ZNF600: variants seen among roughly 807,000 people sequenced by gnomAD.
The protein encoded by ZNF600 is zinc finger protein KR-ZNF1.
Under a neutral mutation model 7.3 loss-of-function variants are expected in ZNF600, and 4 were observed. The observed-to-expected ratio is 0.55, with a 90% CI of 0.27 to 1.25. ZNF600 has a LOEUF of 1.25. Ranked by LOEUF, ZNF600 falls within the 50% of genes most tolerant of loss-of-function variation. The pLI is 0.12. For synonymous variants in ZNF600, 290 were observed against 308.9 expected (o/e 0.94, Z 0.64); for missense variants, 911 against 922.1 (o/e 0.99, Z 0.16).
the ZNF600 span, chr19:52,810,791 G>C: frequency 2.2e-6 from 1 of 452,428 alleles, no homozygotes; most frequent in Non-Finnish European, 3.9e-6. Flanking sequence ...AAAAAAAACA[G>C]AAGATGACCT....
chr19:52,771,480 A>AT (rs112039577), intron 3 of ZNF600, among the ~76,000 whole-genome samples: 9,404 of 148,416 alleles, frequency 0.063, 942 homozygotes, highest in African/African-American at 0.21. Flanking sequence ...TGCCTGGCTA[A>AT]TTTTTTTTTT....
At chr19:52,775,481 T>C (rs547138044) in intron 2 of ZNF600, among the ~76,000 whole-genome samples, 1 of 151,454 alleles carries the variant, frequency 6.6e-6, no homozygotes, top group Admixed American at 6.6e-5. Flanking sequence ...ATCCGAGAGG[T>C]GGAGGTTACA....
At chr19:52,785,689 C>G (rs2062757881) in intron 1 of ZNF600, among the ~76,000 whole-genome samples, 1 of 152,096 alleles carries the variant, frequency 6.6e-6, no homozygotes, top group Non-Finnish European at 1.5e-5. Context: ...CCCTCTGTCC[C>G]CACTCTCCAG....
At chr19:52,809,929 C>T in the ZNF600 span, 1 of 862,474 alleles carries the variant, frequency 1.2e-6, no homozygotes, top group Non-Finnish European at 1.9e-6. Context: ...GGTGGGGAGG[C>T]CGGGGAGGTT....
chr19:52,793,793 CACACACACACACACACACACACACAA>C, the ZNF600 span, among the ~76,000 whole-genome samples: 1 of 75,572 alleles, frequency 1.3e-5, no homozygotes, highest in South Asian at 5.5e-4. Flanking sequence ...CACACACACA[CACACACACACACACACACACACACAA>C]AAGTGATGTA....
the ZNF600 span, among the ~76,000 whole-genome samples, chr19:52,793,928 T>C: frequency 1.3e-5 from 2 of 152,204 alleles, no homozygotes; most frequent in Admixed American, 6.5e-5. Context: ...TTCAAAAACA[T>C]GCTGTCAAGT....
the ZNF600 span, chr19:52,801,443 C>T: frequency 3.1e-6 from 5 of 1,614,070 alleles, no homozygotes; most frequent in South Asian, 1.1e-5. Context: ...CTTTAATATG[C>T]TTGTTTCCAG....
At chr19:52,808,759 G>C in the ZNF600 span, among the ~76,000 whole-genome samples, 1 of 152,080 alleles carries the variant, frequency 6.6e-6, no homozygotes, top group Non-Finnish European at 1.5e-5. Flanking sequence ...GTTGCAGTGA[G>C]CTGTGATCCC....
At chr19:52,792,587 C>T in the ZNF600 span, among the ~76,000 whole-genome samples, 1 of 152,050 alleles carries the variant, frequency 6.6e-6, no homozygotes, top group East Asian at 1.9e-4. Flanking sequence ...AAGATTGCAA[C>T]CATTTGTGCC....
At chr19:52,766,899 T>C (rs774778314) in exon 4 of ZNF600, 4 of 1,614,208 alleles carry the variant, frequency 2.5e-6, no homozygotes, top group East Asian at 2.2e-5. Context: ...AAGGTTTGAT[T>C]GCTGATTAAA....
exon 4 of ZNF600, chr19:52,767,254 C>A: frequency 3.1e-6 from 5 of 1,614,152 alleles, no homozygotes; most frequent in Non-Finnish European, 4.2e-6. Context: ...AAGGCTTTGC[C>A]ACTCTCATTA....
chr19:52,817,910 G>C, the ZNF600 span: 3 of 1,609,442 alleles, frequency 1.9e-6, no homozygotes, highest in Admixed American at 3.3e-5. Flanking sequence ...TGAAAGGAAG[G>C]AGACAGAGCA....
chr19:52,782,781 C>G (rs868132761), intron 1 of ZNF600, among the ~76,000 whole-genome samples: 7 of 151,906 alleles, frequency 4.6e-5, no homozygotes, highest in Non-Finnish European at 1.5e-5. Context: ...GAGGCTGAGA[C>G]AGAGCACTGC....
the ZNF600 span, among the ~76,000 whole-genome samples, chr19:52,818,640 G>A: frequency 5.9e-5 from 9 of 152,148 alleles, no homozygotes; most frequent in Non-Finnish European, 1.2e-4. Flanking sequence ...CTGGAAGGTG[G>A]AGGTTGCAGT....
At chr19:52,816,870 T>A in the ZNF600 span, among the ~76,000 whole-genome samples, 10 of 135,130 alleles carry the variant, frequency 7.4e-5, no homozygotes, top group South Asian at 2.1e-3. Context: ...ATAATAATAA[T>A]AAAACGTGGA....
At chr19:52,810,764 A>G in the ZNF600 span, 1 of 583,930 alleles carries the variant, frequency 1.7e-6, no homozygotes, top group South Asian at 2.0e-5. Flanking sequence ...GGAAAAAAAA[A>G]GAATAAAAAA....
the ZNF600 span, among the ~76,000 whole-genome samples, chr19:52,796,368 A>G: frequency 1.3e-5 from 2 of 152,286 alleles, no homozygotes; most frequent in African/African-American, 4.8e-5. Flanking sequence ...TCCGGTCTGG[A>G]AAGGTGGAAT....
At chr19:52,802,448 G>C in the ZNF600 span, among the ~76,000 whole-genome samples, 6 of 151,994 alleles carry the variant, frequency 3.9e-5, no homozygotes, top group African/African-American at 1.5e-4. Context: ...TAGAGGGCAA[G>C]GCAGGCAGAT....
intron 1 of ZNF600, among the ~76,000 whole-genome samples, chr19:52,779,486 G>A (rs2062703458): frequency 6.6e-6 from 1 of 152,178 alleles, no homozygotes; most frequent in African/African-American, 2.4e-5. Flanking sequence ...CCTCCCCTTG[G>A]GGCCTTGTTC....
Sources: gnomAD v4.1 joint callset for allele counts (sites outside exome capture counted in the v4.1 genomes callset) on GRCh38, gnomAD v4.1.1 for gene constraint, MANE v1.5 for transcripts, NCBI Gene and HGNC (gene_info 2026-07-23, HGNC 2026-07-21) for gene names.